IL22RA1: variants seen among roughly 807,000 people sequenced by gnomAD.
The protein encoded by IL22RA1 is interleukin 22 receptor subunit alpha 1.
In IL22RA1, 25 loss-of-function variants were observed where a neutral mutation model predicts 32.8. The observed-to-expected ratio is 0.76, with a 90% CI of 0.55 to 1.06. The LOEUF is 1.06. Ranked by LOEUF, IL22RA1 falls within the 50% of genes least tolerant of loss-of-function variation. The pLI is 0.00. For missense variants in IL22RA1, 709 were observed against 727.4 expected (o/e 0.97, Z 0.29); for synonymous variants, 305 against 305.0 (o/e 1.00, Z 0.00).
chr1:24,123,379 T>G lies in IL22RA1; in HGVS notation c.715A>C (p.Met239Leu). Residue 239 changes from methionine to leucine, a missense_variant, in exon 6 of 7, where the codon ATG (methionine) becomes CTG (leucine). By Grantham distance (15) the Met-to-Leu change is conservative. Transcript: ENST00000270800. ...CAGAGTACTGCGACGAGGAAGCCCA[T>G]GGAGAACAGGAAGGCTCCGGAGAAG... ...YSFSGAFLFS[M>L]GFLVAVLCYL... 1 of 1,613,966 alleles carries G rather than the reference T, an allele frequency of 6.2e-7. No individual in the cohort carries two copies. Among genetic ancestry groups the G allele is most frequent in the South Asian group, 1.1e-5 (1 of 91,048 alleles).
rs2148573985 is a variant in IL22RA1 at position 24,134,292 on chromosome 1, A to G, written c.450T>C (p.Asp150=). ...HPTPTPIRAG[D]GHRLTLEDIF... is the part of the protein sequence containing the mutation. ...TGTCTTCCAGGGTTAGCCGGTGGCC[A>G]TCGCCTGCACGGATTGGCGTGGGGG... The change falls in exon 4 of 7, where the codon GAT becomes GAC. Residue 150 remains aspartate, a synonymous_variant. Coordinates refer to ENST00000270800, the MANE Select transcript of IL22RA1 (RefSeq NM_021258.4). 1.2e-6 allele frequency: 2 copies of G among 1,610,524 alleles called. No homozygotes were observed. Among genetic ancestry groups the G allele is most frequent in the Non-Finnish European group, 1.7e-6 (2 of 1,178,208 alleles).
At position 24,120,743 on chromosome 1, in the gene IL22RA1, AC is replaced by A; in HGVS notation, c.*61del. On this transcript the variant is annotated 3_prime_UTR_variant, in exon 7 of 7. Coordinates refer to ENST00000270800, the MANE Select transcript of IL22RA1 (RefSeq NM_021258.4). ...TGTGGCGTGGGCAGGCATGGGATTG[AC>A]AGCCAAGGATGTGACACTGGGTAGG... 6.9e-7 allele frequency: 1 copy of A among 1,453,290 alleles called. No individual in the cohort carries two copies. Among genetic ancestry groups the A allele is most frequent in the Non-Finnish European group, 9.3e-7 (1 of 1,071,716 alleles). 90.0% of individuals were successfully genotyped at this position (1,453,290 alleles called of 1,614,324 possible).
chr1:24,137,599 T>G (rs1569580773), intron 2 of IL22RA1, among the ~76,000 whole-genome samples: 2 of 150,886 alleles, frequency 1.3e-5, no homozygotes, highest in South Asian at 4.2e-4. Flanking sequence ...TCACTGCAAC[T>G]TCTACCTCTG....
At chr1:24,136,308 A>G (rs1410860311) in intron 3 of IL22RA1, among the ~76,000 whole-genome samples, 1 of 152,184 alleles carries the variant, frequency 6.6e-6, no homozygotes, top group Non-Finnish European at 1.5e-5. Flanking sequence ...AATGCAGTGG[A>G]TTCTGCCGCC....
At chr1:24,131,548 A>G (rs1457628422) in intron 4 of IL22RA1, among the ~76,000 whole-genome samples, 2 of 152,262 alleles carry the variant, frequency 1.3e-5, no homozygotes, top group Admixed American at 1.3e-4. Flanking sequence ...CAGAAGGTTC[A>G]ATCTATCAGG....
In IL22RA1 at chr1:24,120,693, C is replaced by G; in HGVS notation, c.*112G>C. On this transcript the variant is annotated 3_prime_UTR_variant, in exon 7 of 7. Transcript: ENST00000270800. Reference sequence around the variant, plus strand: ...CTCCCTCTGCTTCTCTCAAGGGCACCCGTCTGAGGCCAGATCGCAGAGTGT... The same window carrying G: ...CTCCCTCTGCTTCTCTCAAGGGCACGCGTCTGAGGCCAGATCGCAGAGTGT... The G allele has an allele frequency of 9.5e-7, 1 of 1,054,862 alleles. No homozygotes were observed. 65.3% of individuals were successfully genotyped at this position (1,054,862 alleles called of 1,614,324 possible).
intron 1 of IL22RA1, among the ~76,000 whole-genome samples, chr1:24,139,048 C>T (rs1208534368): frequency 6.6e-6 from 1 of 152,222 alleles, no homozygotes; most frequent in Admixed American, 6.5e-5. Flanking sequence ...GCAATCATCG[C>T]TATTATCTAA....
At chr1:24,132,754 A>G (rs1000380436) in intron 4 of IL22RA1, among the ~76,000 whole-genome samples, 1 of 151,688 alleles carries the variant, frequency 6.6e-6, no homozygotes, top group Non-Finnish European at 1.5e-5. Flanking sequence ...TCAACCCAGC[A>G]CTTTGGGAGG....
chr1:24,120,439 G>C lies in IL22RA1; in HGVS notation c.*366C>G, dbSNP rs1644111766. The C allele has an allele frequency of 5.1e-6, 1 of 196,072 alleles. No individual in the cohort carries two copies. Among genetic ancestry groups the C allele is most frequent in the South Asian group, 1.6e-4 (1 of 6,068 alleles). 12.1% of individuals were successfully genotyped at this position (196,072 alleles called of 1,614,324 possible). On this transcript the variant is annotated 3_prime_UTR_variant, in exon 7 of 7. Transcript: ENST00000270800. ...GTGAAACTGGCCAGGAATGGGGCAAGGAGAGGCAAATTCCCTGAGCACTTT... is the reference window on the plus strand; with the variant it reads ...GTGAAACTGGCCAGGAATGGGGCAACGAGAGGCAAATTCCCTGAGCACTTT...
At position 24,121,301 on chromosome 1, in the gene IL22RA1, G is replaced by C; in HGVS notation, c.1229C>G (p.Ser410Cys). ...PPSYGVCMEG[S>C]GKDSPTGTLS... ...TGTCCCAGTGGGGGAGTCTTTGCCA[G>C]AACCTTCCATGCATACCCCATAGGA... Residue 410 changes from serine to cysteine, a missense_variant, in exon 7 of 7, where the codon TCT becomes TGT. Physicochemically the swap from Ser to Cys is moderately radical, Grantham distance 112 (BLOSUM62 -1). Coordinates refer to ENST00000270800, the MANE Select transcript of IL22RA1 (RefSeq NM_021258.4). 1.2e-6 allele frequency: 2 copies of C among 1,613,688 alleles called. No homozygotes were observed. The highest frequency in any genetic ancestry group is 1.7e-6 in the Non-Finnish European group (2 of 1,179,760).
At position 24,128,291 on chromosome 1, in the gene IL22RA1, A is replaced by G. The variant is rs1644178917; in HGVS notation, c.532-12T>C. 8 of 1,613,468 alleles carry G rather than the reference A, an allele frequency of 5.0e-6. No homozygotes were observed. The highest frequency in any genetic ancestry group is 6.8e-6 in the Non-Finnish European group (8 of 1,179,690). On this transcript the variant is annotated splice_polypyrimidine_tract_variant and intron_variant, in intron 4 of 6. Transcript: ENST00000270800. ...TTCCCTCCAAGGTGCTGAATTGGACAGAGAATGGAATGTGATTCCTGTTAC... is the reference window on the plus strand; with the variant it reads ...TTCCCTCCAAGGTGCTGAATTGGACGGAGAATGGAATGTGATTCCTGTTAC...
intron 4 of IL22RA1, among the ~76,000 whole-genome samples, chr1:24,132,194 A>G (rs1644209971): frequency 6.6e-6 from 1 of 152,174 alleles, no homozygotes; most frequent in Non-Finnish European, 1.5e-5. Context: ...TGGGTTGCTC[A>G]CTAAAATTCA....
rs772936211 is a variant in IL22RA1 at position 24,137,123 on chromosome 1, C to T, written c.355+8G>A. On this transcript the variant is annotated splice_region_variant and intron_variant, in intron 3 of 6. Coordinates refer to ENST00000270800, the MANE Select transcript of IL22RA1 (RefSeq NM_021258.4). ...CCTCCCCTGAAACCCACAGGGGCTCCAACTCACTGTGCTGCAGAGAGCTGA... is the reference window on the plus strand; with the variant it reads ...CCTCCCCTGAAACCCACAGGGGCTCTAACTCACTGTGCTGCAGAGAGCTGA... The T allele has an allele frequency of 6.2e-7, 1 of 1,606,114 alleles. No individual in the cohort carries two copies. The highest frequency in any genetic ancestry group is 1.1e-5 in the South Asian group (1 of 90,920).
At chr1:24,133,958 A>G (rs766420474) in intron 4 of IL22RA1, among the ~76,000 whole-genome samples, 5 of 152,154 alleles carry the variant, frequency 3.3e-5, no homozygotes, top group Admixed American at 1.3e-4. Flanking sequence ...AAACAACAAA[A>G]CAAATTGATA....
chr1:24,137,329 C>A lies in IL22RA1; in HGVS notation c.177-20G>T, dbSNP rs376252940. 25 of 1,608,746 alleles carry A rather than the reference C, an allele frequency of 1.6e-5. No homozygotes were observed. Among genetic ancestry groups the A allele is most frequent in the Non-Finnish European group, 1.9e-5 (22 of 1,175,946 alleles). On this transcript the variant is annotated intron_variant, in intron 2 of 6. Transcript: ENST00000270800. ...CCGTACCTGCAGGTCAGGAAGGGGC[C>A]AAGTCACCGTGGTGATGAAAAGGCC...
chr1:24,138,395 G>A (rs1644257593), intron 2 of IL22RA1, among the ~76,000 whole-genome samples, 187 bp downstream of exon 2: 1 of 152,136 alleles, frequency 6.6e-6, no homozygotes, highest in Non-Finnish European at 1.5e-5. Flanking sequence ...CCTATCACCT[G>A]TACTTTTTAC....
chr1:24,135,010 A>G (rs1309805317), intron 3 of IL22RA1: 1 of 161,044 alleles, frequency 6.2e-6, no homozygotes, highest in Non-Finnish European at 1.3e-5. Context: ...CCCTGAATCT[A>G]ATTTGTAAAA....
intron 1 of IL22RA1, among the ~76,000 whole-genome samples, chr1:24,141,461 G>C (rs1412207573): frequency 6.6e-6 from 1 of 152,182 alleles, no homozygotes; most frequent in Non-Finnish European, 1.5e-5. Flanking sequence ...TCAGTGTTCT[G>C]GGTGGGAAAT....
chr1:24,125,996 A>G (rs1206071026), intron 5 of IL22RA1, among the ~76,000 whole-genome samples: 1 of 152,224 alleles, frequency 6.6e-6, no homozygotes, highest in Non-Finnish European at 1.5e-5. Context: ...AAGCAAGACA[A>G]AGTAAGGCAA....
Sources: allele counts gnomAD v4.1 joint callset (sites outside exome capture counted in the v4.1 genomes callset), GRCh38; gene constraint gnomAD v4.1.1; transcripts MANE v1.5; gene names NCBI Gene and HGNC (gene_info 2026-07-23, HGNC 2026-07-21).